Variants in CENPP observed in about 807,000 individuals in gnomAD.
CENPP encodes centromere protein P.
Under a neutral mutation model 35.6 loss-of-function variants are expected in CENPP, and 24 were observed. That is an observed-to-expected ratio of 0.67 (90% CI 0.49 to 0.95). The LOEUF (loss-of-function observed/expected upper bound fraction) is 0.95. Among genes scored for constraint, CENPP ranks in the 40% least tolerant of loss-of-function variants. CENPP has a pLI of 0.00. For missense variants in CENPP, 332 were observed against 345.3 expected (o/e 0.96, Z 0.31); for synonymous variants, 120 against 125.5 (o/e 0.96, Z 0.29).
At chr9:92,553,244 T>C (rs527341939) in intron 5 of CENPP, among the ~76,000 whole-genome samples, 347 of 152,310 alleles carry the variant, frequency 2.3e-3, no homozygotes, top group Non-Finnish European at 2.7e-3. Flanking sequence ...TATTTCTGGG[T>C]TGTCTATTCT....
Position 92,497,003 on chromosome 9 carries a change from A to G in CENPP, c.565-114311A>G, listed in dbSNP as rs138438675. On this transcript the variant is annotated intron_variant, in intron 5 of 7. Coordinates refer to ENST00000375587, the MANE Select transcript of CENPP (RefSeq NM_001012267.3). ...CTAATAGTGAGCCTGGACCGATCAAATACCACTGAAGAGAATGCAAAATGG... is the reference window on the plus strand; with the variant it reads ...CTAATAGTGAGCCTGGACCGATCAAGTACCACTGAAGAGAATGCAAAATGG... Among the ~76,000 whole-genome samples the G allele has an allele frequency of 2.1e-3, 320 of 152,236 alleles. 2 individuals are homozygous for G. The highest frequency in any genetic ancestry group is 7.2e-3 in the African/African-American group (301 of 41,550).
intron 5 of CENPP, among the ~76,000 whole-genome samples, chr9:92,581,168 CTT>C (rs1351280964): frequency 6.6e-6 from 1 of 151,942 alleles, no homozygotes; most frequent in Non-Finnish European, 1.5e-5. Flanking sequence ...GAGACCCTGT[CTT>C]TTAAAAATAA....
intron 5 of CENPP, among the ~76,000 whole-genome samples, chr9:92,387,035 G>A (rs899480734): frequency 3.6e-5 from 5 of 139,802 alleles, no homozygotes; most frequent in East Asian, 2.2e-4. Context: ...GCAACAGAGC[G>A]AGACTCTGTC....
intron 5 of CENPP, among the ~76,000 whole-genome samples, chr9:92,521,887 TA>T (rs770812365): frequency 6.6e-5 from 10 of 152,206 alleles, no homozygotes; most frequent in Non-Finnish European, 1.5e-4. Flanking sequence ...AGGTAGTTTA[TA>T]AATGTTTATG....
intron 5 of CENPP, chr9:92,456,527 T>G (rs1259576440): frequency 6.6e-6 from 1 of 152,626 alleles, no homozygotes; most frequent in East Asian, 1.9e-4. Context: ...ATTTTCATGC[T>G]ATTAAAAGCT....
intron 1 of CENPP, among the ~76,000 whole-genome samples, chr9:92,330,566 T>C (rs975877016): frequency 2.6e-5 from 4 of 151,456 alleles, no homozygotes; most frequent in Non-Finnish European, 5.9e-5. Flanking sequence ...AAGTCAACAG[T>C]ATAGAATGTA....
chr9:92,603,885 C>T (rs1305378274), intron 5 of CENPP, among the ~76,000 whole-genome samples: 1 of 152,166 alleles, frequency 6.6e-6, no homozygotes, highest in African/African-American at 2.4e-5. Context: ...TTCTGGGGAC[C>T]AGTCTGTGTG....
At chr9:92,520,010 A>G (rs1260890440) in intron 5 of CENPP, among the ~76,000 whole-genome samples, 1 of 96,994 alleles carries the variant, frequency 1.0e-5, no homozygotes, top group Admixed American at 9.0e-5. Flanking sequence ...TGCCCAATAC[A>G]GTGGCTCTCG....
At chr9:92,484,598 G>A (rs148282244) in intron 5 of CENPP, among the ~76,000 whole-genome samples, 25 of 152,278 alleles carry the variant, frequency 1.6e-4, no homozygotes, top group South Asian at 1.5e-3. Context: ...AGGTGAAATT[G>A]CTGTATTTAA....
intron 5 of CENPP, among the ~76,000 whole-genome samples, chr9:92,494,451 T>C (rs767775102): frequency 6.6e-6 from 1 of 152,236 alleles, no homozygotes; most frequent in Non-Finnish European, 1.5e-5. Flanking sequence ...CTAAACTGAT[T>C]ATGAAGCTCA....
chr9:92,575,669 G>A (rs568837372), intron 5 of CENPP, among the ~76,000 whole-genome samples: 1 of 152,216 alleles, frequency 6.6e-6, no homozygotes, highest in East Asian at 1.9e-4. Flanking sequence ...AAAATTAGCT[G>A]GGCATGATGG....
intron 4 of CENPP, among the ~76,000 whole-genome samples, chr9:92,348,338 A>G (rs1270879158): frequency 6.7e-6 from 1 of 148,996 alleles, no homozygotes; most frequent in Non-Finnish European, 1.5e-5. Flanking sequence ...TCTTCATTTC[A>G]TTTGATTCAG....
intron 5 of CENPP, among the ~76,000 whole-genome samples, chr9:92,429,254 AC>A (rs1365834015): frequency 6.6e-6 from 1 of 152,150 alleles, no homozygotes; most frequent in African/African-American, 2.4e-5. Flanking sequence ...TGGCCTCTGT[AC>A]CAATTCAGGG....
intron 5 of CENPP, among the ~76,000 whole-genome samples, chr9:92,394,933 T>A (rs1241770577): frequency 1.3e-5 from 2 of 152,148 alleles, no homozygotes; most frequent in Admixed American, 1.3e-4. Context: ...AATTGATATT[T>A]TCATATCAAT....
chr9:92,354,831 G>A (rs527496242), intron 4 of CENPP, among the ~76,000 whole-genome samples: 3 of 152,304 alleles, frequency 2.0e-5, no homozygotes, highest in African/African-American at 7.2e-5. Context: ...TAAAAAGAGA[G>A]GAATTTTACA....
At chr9:92,552,163 TATATGTGATATGATAGATCTATCATATAC>T in intron 5 of CENPP, among the ~76,000 whole-genome samples, 1 of 136,870 alleles carries the variant, frequency 7.3e-6, no homozygotes, top group Non-Finnish European at 1.6e-5. Flanking sequence ...ATCTATCATA[TATATGTGATATGATAGATCTATCATATAC>T]ACACACACAC....
At chr9:92,467,102 T>C (rs1845343384) in intron 5 of CENPP, among the ~76,000 whole-genome samples, 1 of 152,176 alleles carries the variant, frequency 6.6e-6, no homozygotes, top group South Asian at 2.1e-4. Context: ...ATTTTAGATA[T>C]TGGGGATATA....
At chr9:92,420,355 C>T (rs974846509) in intron 5 of CENPP, among the ~76,000 whole-genome samples, 10 of 152,210 alleles carry the variant, frequency 6.6e-5, no homozygotes, top group African/African-American at 2.4e-4. Flanking sequence ...CTCTTTTGCA[C>T]ATGCCCTAAA....
At chr9:92,600,500 G>C in intron 5 of CENPP, 1 of 1,612,920 alleles carries the variant, frequency 6.2e-7, no homozygotes, top group South Asian at 1.1e-5. Context: ...GCAAAGGTCT[G>C]GAGATGAGGT....
Sources: allele counts gnomAD v4.1 joint callset (sites outside exome capture counted in the v4.1 genomes callset), GRCh38; gene constraint gnomAD v4.1.1; transcripts MANE v1.5; gene names NCBI Gene and HGNC (gene_info 2026-07-23, HGNC 2026-07-21).